The following FAM47E variants were observed in gnomAD, a reference collection of about 807,000 sequenced individuals.
The protein encoded by FAM47E is family with sequence similarity 47 member E.
Under a neutral mutation model 41.6 loss-of-function variants are expected in FAM47E, and 32 were observed. The observed-to-expected ratio is 0.77, with a 90% confidence interval of 0.58 to 1.03. FAM47E has a LOEUF of 1.03. Among genes scored for constraint, FAM47E ranks in the 50% least tolerant of loss-of-function variants. The pLI, the probability that FAM47E is intolerant of heterozygous loss-of-function variation, is 0.00. For synonymous variants in FAM47E, 184 were observed against 188.7 expected, an observed-to-expected ratio of 0.98 and a Z score of 0.20; for missense variants, 424 against 485.4, an observed-to-expected ratio of 0.87 and a Z score of 1.19.
At chr4:76,271,541 A>G in intron 4 of FAM47E, 27 bp from the exon 5 acceptor site, 2 of 1,550,848 alleles carry the variant, frequency 1.3e-6, no homozygotes, top group South Asian at 2.4e-5. Flanking sequence ...GATTGCCCTC[A>G]ATTCATGCAA....
upstream of FAM47E, among the ~76,000 whole-genome samples, chr4:76,248,225 T>C (rs1733874371): frequency 1.3e-5 from 2 of 152,038 alleles, no homozygotes; most frequent in Admixed American, 1.3e-4. Flanking sequence ...CTTTTCACTC[T>C]CTTGATCATG....
At chr4:76,247,524 C>T (rs186328309), upstream of FAM47E, among the ~76,000 whole-genome samples, 77 of 152,270 alleles carry the variant, frequency 5.1e-4, no homozygotes, top group South Asian at 1.0e-3. Context: ...CTATTTTCCA[C>T]AGCAATTGCA....
At chr4:76,268,459 A>ATTAATAATT (rs1248831816) in intron 3 of FAM47E, 19 of 515,256 alleles carry the variant, frequency 3.7e-5, no homozygotes, top group African/African-American at 3.6e-4. Context: ...AATTATTATA[A>ATTAATAATT]CTAATCATGA....
At chr4:76,251,371 T>C (rs1733957173), upstream of FAM47E, among the ~76,000 whole-genome samples, 1 of 152,204 alleles carries the variant, frequency 6.6e-6, no homozygotes, top group African/African-American at 2.4e-5. Context: ...CCACTTTCCA[T>C]CCTCTTTCTC....
chr4:76,245,050 C>G (rs989580391), intron 2 of FAM47E, among the ~76,000 whole-genome samples: 10 of 152,234 alleles, frequency 6.6e-5, no homozygotes, highest in Middle Eastern at 3.4e-3. Context: ...TCCATTTTAT[C>G]CACTCATTTC....
chr4:76,267,472 C>T (rs920294027), intron 3 of FAM47E: 1 of 152,202 alleles, frequency 6.6e-6, no homozygotes, highest in Non-Finnish European at 1.5e-5. Context: ...GTGGTGGGTC[C>T]CAAAGAACCT....
At chr4:76,272,889 TA>T (rs1734950468) in intron 5 of FAM47E, among the ~76,000 whole-genome samples, 1 of 152,170 alleles carries the variant, frequency 6.6e-6, no homozygotes, top group African/African-American at 2.4e-5. Context: ...TATTTCCACA[TA>T]ATATATTTTC....
At chr4:76,224,962 G>A (rs940235273) in intron 2 of FAM47E, among the ~76,000 whole-genome samples, 1 of 151,948 alleles carries the variant, frequency 6.6e-6, no homozygotes, top group South Asian at 2.1e-4. Flanking sequence ...GCATAAGAAT[G>A]ATATAATGCA....
upstream of FAM47E, among the ~76,000 whole-genome samples, chr4:76,248,507 T>A (rs1292521771): frequency 1.3e-5 from 2 of 152,134 alleles, no homozygotes; most frequent in East Asian, 1.9e-4. Context: ...AGGGTAGGGA[T>A]CTTGTCCATC....
intron 5 of FAM47E, among the ~76,000 whole-genome samples, chr4:76,276,460 C>A (rs565180225): frequency 6.6e-6 from 1 of 152,116 alleles, no homozygotes; most frequent in African/African-American, 2.4e-5. Flanking sequence ...GCAACCTCCA[C>A]CTCCCGGGTT....
intron 2 of FAM47E, among the ~76,000 whole-genome samples, chr4:76,230,835 C>T (rs960651369): frequency 6.6e-6 from 1 of 152,172 alleles, no homozygotes; most frequent in Non-Finnish European, 1.5e-5. Context: ...CCTTGAATTC[C>T]CTAGACCTCA....
At position 76,271,598 on chromosome 4, in the gene FAM47E, T is replaced by C; in HGVS notation, c.700T>C (p.Leu234=). 6.4e-7 allele frequency: 1 copy of C among 1,552,176 alleles called. No homozygotes were observed. Among genetic ancestry groups the C allele is most frequent in the Non-Finnish European group, 8.7e-7 (1 of 1,147,082 alleles). ...TTCGGACATCGATGAAGAGTTCATC[T>C]TGAAACAGTTTGACATTGACTATGA... ...GISDIDEEFI[L]KQFDIDYETK... The change falls in exon 5 of 8, where the codon TTG becomes CTG. Residue 234 remains leucine (L), a synonymous_variant. Coordinates refer to ENST00000424749, the MANE Select transcript of FAM47E (RefSeq NM_001136570.3).
chr4:76,246,851 A>G (rs550398701), upstream of FAM47E, among the ~76,000 whole-genome samples: 7 of 152,126 alleles, frequency 4.6e-5, no homozygotes, highest in African/African-American at 1.2e-4. Context: ...TTATTTGACT[A>G]TCTTTCCAAT....
intron 2 of FAM47E, among the ~76,000 whole-genome samples, chr4:76,221,340 T>A (rs1372915958): frequency 6.6e-6 from 1 of 151,984 alleles, no homozygotes; most frequent in Non-Finnish European, 1.5e-5. Context: ...ATGGGGGAGA[T>A]GAAGTTTCGC....
intron 2 of FAM47E, among the ~76,000 whole-genome samples, chr4:76,221,537 C>A (rs1057465244): frequency 6.6e-6 from 1 of 152,244 alleles, no homozygotes; most frequent in East Asian, 1.9e-4. Flanking sequence ...CCAGGCTGGT[C>A]TTGAACTCCT....
intron 2 of FAM47E, among the ~76,000 whole-genome samples, chr4:76,262,300 A>T (rs1734452192): frequency 6.6e-6 from 1 of 152,230 alleles, no homozygotes; most frequent in Non-Finnish European, 1.5e-5. Context: ...ACTTCAAAAT[A>T]TAGTTAATGA....
rs1344738354 is a variant in FAM47E at position 76,263,627 on chromosome 4, G to T, written c.421-77G>T. The T allele has an allele frequency of 2.7e-6, 4 of 1,499,306 alleles. No individual in the cohort carries two copies. The African/African-American group carries it at 5.6e-5, about 21-fold the overall frequency. 92.9% of individuals were successfully genotyped at this position (1,499,306 alleles called of 1,614,324 possible). ...AAAAGGAAAAGTGAAGGGCAAGTTG[G>T]TCTGTTTTGTTGTAGAATGGGGACT... On this transcript the variant is annotated intron_variant, in intron 2 of 7. Transcript: ENST00000424749.
intron 1 of FAM47E, among the ~76,000 whole-genome samples, chr4:76,217,421 AG>A (rs1313628458): frequency 1.3e-5 from 2 of 152,118 alleles, no homozygotes; most frequent in Middle Eastern, 3.2e-3. Flanking sequence ...TTGGGTCCTG[AG>A]GAGAGATTGT....
At chr4:76,221,012 C>A (rs1381290293) in intron 2 of FAM47E, among the ~76,000 whole-genome samples, 2 of 152,140 alleles carry the variant, frequency 1.3e-5, no homozygotes, top group Non-Finnish European at 2.9e-5. Context: ...AACTCACAGG[C>A]CCCAAGGTCC....
Sources: gnomAD v4.1 joint callset for allele counts (sites outside exome capture counted in the v4.1 genomes callset) on GRCh38, gnomAD v4.1.1 for gene constraint, MANE v1.5 for transcripts, NCBI Gene and HGNC (gene_info 2026-07-23, HGNC 2026-07-21) for gene names.